The following CTNNA2 variants were observed in gnomAD, a reference collection of about 807,000 sequenced individuals.
CTNNA2 encodes catenin alpha-2.
A neutral mutation model predicts 101.0 loss-of-function variants in CTNNA2; 42 were observed. The ratio of observed to expected loss-of-function variants is 0.42; its 90% confidence interval spans 0.32 to 0.54. The LOEUF (loss-of-function observed/expected upper bound fraction) is 0.54. CTNNA2 is among the 20% of genes least tolerant of loss of function. The pLI, the probability that CTNNA2 is intolerant of heterozygous loss-of-function variation, is 0.14. For synonymous variants in CTNNA2, 450 were observed against 456.4 expected, an observed-to-expected ratio of 0.99 and a Z score of 0.18; for missense variants, 871 against 1,223.1, an observed-to-expected ratio of 0.71 and a Z score of 4.29.
chr2:80,534,303 A>G (rs531240591), intron 9 of CTNNA2, among the ~76,000 whole-genome samples: 10 of 152,302 alleles, frequency 6.6e-5, no homozygotes, highest in African/African-American at 2.2e-4. Context: ...AGGATGTTGT[A>G]TAAGGTTCAC....
At chr2:80,510,427 C>T (rs1454187558) in intron 9 of CTNNA2, among the ~76,000 whole-genome samples, 1 of 152,100 alleles carries the variant, frequency 6.6e-6, no homozygotes, top group African/African-American at 2.4e-5. Context: ...CATCTTGCAC[C>T]TTGTATTCCA....
intron 7 of CTNNA2, among the ~76,000 whole-genome samples, chr2:80,348,949 G>A (rs375456232): frequency 6.6e-6 from 1 of 152,028 alleles, no homozygotes; most frequent in East Asian, 1.9e-4. Context: ...TTAGAAGAAA[G>A]GAAAAAGTAC....
chr2:79,870,007 G>A, intron 5 of CTNNA2, 72 bp downstream of exon 5: 2 of 1,546,794 alleles, frequency 1.3e-6, no homozygotes, highest in Non-Finnish European at 1.8e-6. Context: ...TTTTAGGCCT[G>A]AACAATGGAT....
intron 7 of CTNNA2, among the ~76,000 whole-genome samples, chr2:80,341,198 G>A (rs984835599): frequency 6.6e-6 from 1 of 152,178 alleles, no homozygotes; most frequent in Admixed American, 6.5e-5. Context: ...GGCATGATTT[G>A]TTAAATCATT....
intron 7 of CTNNA2, among the ~76,000 whole-genome samples, chr2:80,323,735 T>C (rs1462176500): frequency 6.6e-6 from 1 of 152,156 alleles, no homozygotes; most frequent in Non-Finnish European, 1.5e-5. Flanking sequence ...ACCATGAATA[T>C]CAGGATTTAA....
intron 7 of CTNNA2, among the ~76,000 whole-genome samples, chr2:80,245,105 C>T (rs1447490390): frequency 6.6e-6 from 1 of 152,120 alleles, no homozygotes; most frequent in Non-Finnish European, 1.5e-5. Context: ...AATTCATTAT[C>T]TCAAGGCAGC....
intron 9 of CTNNA2, among the ~76,000 whole-genome samples, chr2:80,438,733 C>T (rs186967709): frequency 3.2e-4 from 49 of 152,218 alleles, no homozygotes; most frequent in Non-Finnish European, 5.1e-4. Flanking sequence ...ACTAGTGATA[C>T]TCCTCATTCC....
intron 9 of CTNNA2, among the ~76,000 whole-genome samples, chr2:80,455,240 G>C (rs1294693216): frequency 6.6e-6 from 1 of 152,226 alleles, no homozygotes; most frequent in African/African-American, 2.4e-5. Flanking sequence ...CCTATGTCAA[G>C]AAAGAAAGCT....
At chr2:79,220,256 G>A (rs1572985622) in intron 2 of CTNNA2, among the ~76,000 whole-genome samples, 1 of 152,028 alleles carries the variant, frequency 6.6e-6, no homozygotes, top group Non-Finnish European at 1.5e-5. Flanking sequence ...CAAAGGGTGG[G>A]AAAATTAAGA....
At chr2:79,626,206 G>A (rs1679293083) in intron 1 of CTNNA2, among the ~76,000 whole-genome samples, 1 of 152,110 alleles carries the variant, frequency 6.6e-6, no homozygotes, top group Admixed American at 6.6e-5. Flanking sequence ...CTTCTGAGGT[G>A]GTCCTGATAT....
upstream of CTNNA2, among the ~76,000 whole-genome samples, chr2:79,508,824 A>G (rs1671467481): frequency 6.6e-6 from 1 of 151,620 alleles, no homozygotes; most frequent in Non-Finnish European, 1.5e-5. Flanking sequence ...AAACTAGAAT[A>G]TGGTACATTC....
intron 9 of CTNNA2, among the ~76,000 whole-genome samples, chr2:80,473,690 C>A (rs1171668538): frequency 6.6e-6 from 1 of 152,180 alleles, no homozygotes; most frequent in Admixed American, 6.5e-5. Flanking sequence ...TCCATTATTG[C>A]TCCCCAACAA....
At chr2:79,831,509 CAT>C (rs1678925796) in intron 3 of CTNNA2, among the ~76,000 whole-genome samples, 1 of 152,024 alleles carries the variant, frequency 6.6e-6, no homozygotes, top group African/African-American at 2.4e-5. Context: ...TGTTGCTTCA[CAT>C]AGCTTAAGAA....
chr2:80,626,058 C>T (rs1046314179), intron 18 of CTNNA2, among the ~76,000 whole-genome samples: 3 of 151,878 alleles, frequency 2.0e-5, no homozygotes, highest in South Asian at 4.2e-4. Context: ...ATTTCATTTG[C>T]CCCCTTATGC....
intron 3 of CTNNA2, among the ~76,000 whole-genome samples, chr2:79,821,273 A>C (rs902619873): frequency 2.6e-5 from 4 of 152,032 alleles, no homozygotes; most frequent in Non-Finnish European, 5.9e-5. Context: ...TAGTGGTGTG[A>C]TCATAGCTCA....
chr2:79,215,397 G>A (rs891110730), intron 2 of CTNNA2, among the ~76,000 whole-genome samples: 2 of 152,172 alleles, frequency 1.3e-5, no homozygotes, highest in African/African-American at 2.4e-5. Flanking sequence ...GCAAAGAATT[G>A]CAACTGAGAA....
rs1694812023 is a variant in CTNNA2, at chr2:80,573,839, G to GA, written c.1742-321dup. 2.0e-5 allele frequency among the ~76,000 whole-genome samples: 3 copies of GA among 152,156 alleles called. No individual in the cohort carries two copies. The South Asian group carries it at 6.2e-4, about 32-fold the overall frequency. ...AACCAGTAACCAGCAGCAACCAGCA[G>GA]AAATGCAACTCAGTTTGGGGTTAGG... On this transcript the variant is annotated intron_variant, in intron 12 of 18. Coordinates refer to ENST00000402739, the MANE Select transcript of CTNNA2 (RefSeq NM_001282597.3).
intron 6 of CTNNA2, among the ~76,000 whole-genome samples, chr2:79,897,851 C>T (rs1684819532): frequency 6.6e-6 from 1 of 152,158 alleles, no homozygotes; most frequent in Non-Finnish European, 1.5e-5. Flanking sequence ...AGATGGTGCC[C>T]TTCCCCTATG....
intron 7 of CTNNA2, among the ~76,000 whole-genome samples, chr2:80,213,194 T>G (rs983969859): frequency 1.3e-5 from 2 of 152,142 alleles, no homozygotes; most frequent in Non-Finnish European, 2.9e-5. Context: ...TTTGAAGGGT[T>G]TTTTGTGTCT....
Sources: gnomAD v4.1 joint callset for allele counts (sites outside exome capture counted in the v4.1 genomes callset) on GRCh38, gnomAD v4.1.1 for gene constraint, MANE v1.5 for transcripts, NCBI Gene and HGNC (gene_info 2026-07-23, HGNC 2026-07-21) for gene names.